PIEZO2: variants seen among roughly 807,000 people sequenced by gnomAD.
PIEZO2 encodes the protein piezo-type mechanosensitive ion channel component 2.
In PIEZO2, 172 loss-of-function variants were observed where a neutral mutation model predicts 337.3. That is an observed-to-expected ratio of 0.51 (90% CI 0.45 to 0.58). PIEZO2 has a LOEUF of 0.58. Among genes scored for constraint, PIEZO2 ranks in the 20% least tolerant of loss-of-function variants. The probability of loss-of-function intolerance (pLI) is 0.00; values close to 1 mark genes in which losing one functional copy is unlikely to be tolerated. For synonymous variants in PIEZO2, 1,251 were observed against 1,228.5 expected (o/e 1.02, Z -0.38); for missense variants, 3,028 against 3,391.3 (o/e 0.89, Z 2.66).
In PIEZO2 at chr18:10,724,714, C is replaced by T. The variant is rs377419884; in HGVS notation, c.5030-6455G>A. On this transcript the variant is annotated intron_variant, in intron 36 of 55. Coordinates refer to ENST00000674853, the MANE Select transcript of PIEZO2 (RefSeq NM_001378183.1). The surrounding 1 kb of genome is among the most constrained non-coding windows in gnomAD (Gnocchi z 5.8). ...GCGTCATAGGCTGAAGCACTCAGACCGAGATGGGCCACCACTGTACCCCTG... is the reference window on the plus strand; with the variant it reads ...GCGTCATAGGCTGAAGCACTCAGACTGAGATGGGCCACCACTGTACCCCTG... 8.6e-6 allele frequency: 12 copies of T among 1,395,466 alleles called. No individual in the cohort carries two copies. The highest frequency in any genetic ancestry group is 2.3e-5 in the East Asian group (1 of 43,410). The allele number at this position is 1,395,466 out of a possible 1,614,324, so 86.4% of individuals were successfully genotyped here. A position where few individuals can be genotyped will look rare whatever the true frequency, so the allele number is the denominator to read the frequency against.
intron 2 of PIEZO2, among the ~76,000 whole-genome samples, chr18:11,039,534 C>G (rs142776855): frequency 3.7e-4 from 57 of 152,204 alleles, no homozygotes; most frequent in African/African-American, 1.3e-3. Context: ...CTTTCTCACT[C>G]TCCTCTAACT....
rs1270556341 is a variant in PIEZO2 at position 11,002,908 on chromosome 18, G to T, written c.161-23248C>A. On this transcript the variant is annotated intron_variant, in intron 2 of 55. Coordinates refer to ENST00000674853, the MANE Select transcript of PIEZO2 (RefSeq NM_001378183.1). This position sits in a 1 kb window ranked among gnomAD's most constrained non-coding sequence, Gnocchi z 4.3. ...CAGACCAATAGAAACATCCAATGGG[G>T]ATGTAAAGAATTTTCTTTAGTAGAA... Among the ~76,000 whole-genome samples the T allele has an allele frequency of 6.6e-6, 1 of 152,224 alleles. No homozygotes were observed. Among genetic ancestry groups the T allele is most frequent in the Non-Finnish European group, 1.5e-5 (1 of 68,042 alleles).
intron 2 of PIEZO2, among the ~76,000 whole-genome samples, chr18:11,030,514 T>C (rs967524725): frequency 1.3e-5 from 2 of 152,132 alleles, no homozygotes; most frequent in Non-Finnish European, 2.9e-5. Context: ...TTGTAGTGGT[T>C]ACGGGAAGGA....
chr18:10,784,062 A>G lies in PIEZO2; in HGVS notation c.2492+722T>C, dbSNP rs2039124598. Among the ~76,000 whole-genome samples, 1 of 152,234 alleles carries G rather than the reference A, an allele frequency of 6.6e-6. No individual in the cohort carries two copies. The highest frequency in any genetic ancestry group is 2.1e-4 in the South Asian group (1 of 4,834). On this transcript the variant is annotated intron_variant, in intron 17 of 55. Transcript: ENST00000674853. The surrounding 1 kb of genome is among the most constrained non-coding windows in gnomAD (Gnocchi z 4.5). ...TTTCCAATATCTGAATCATAGGCTAAACATGAGGCAGAAAGGAAAACCATT... is the reference window on the plus strand; with the variant it reads ...TTTCCAATATCTGAATCATAGGCTAGACATGAGGCAGAAAGGAAAACCATT...
rs2041394736 is a variant in PIEZO2 at position 10,847,249 on chromosome 18, G to A, written c.917+8104C>T. 6.6e-6 allele frequency among the ~76,000 whole-genome samples: 1 copy of A among 152,246 alleles called. No homozygotes were observed. The highest frequency in any genetic ancestry group is 1.5e-5 in the Non-Finnish European group (1 of 68,048). On this transcript the variant is annotated intron_variant, in intron 7 of 55. Coordinates refer to ENST00000674853, the MANE Select transcript of PIEZO2 (RefSeq NM_001378183.1). This position sits in a 1 kb window ranked among gnomAD's most constrained non-coding sequence, Gnocchi z 5.7. ...ACGGCAGCCGGGGCAGGTGACTGCA[G>A]GTGAGCTGCAATCCTAGCTATGGAC...
At chr18:10,835,703 C>T (rs143715844) in intron 7 of PIEZO2, among the ~76,000 whole-genome samples, 3,869 of 152,286 alleles carry the variant, frequency 0.025, 110 homozygotes, top group African/African-American at 0.069. Context: ...GCTACCACAC[C>T]TGGCAAATTT....
intron 2 of PIEZO2, among the ~76,000 whole-genome samples, chr18:11,051,753 T>C (rs2037545466): frequency 6.6e-6 from 1 of 152,180 alleles, no homozygotes; most frequent in Non-Finnish European, 1.5e-5. Flanking sequence ...TGTGAGTAAA[T>C]GGAAGGATGT....
chr18:11,058,743 C>T lies in PIEZO2; in HGVS notation c.160+7384G>A, dbSNP rs566974568. ...TTAGAGAAAAAAGAATAAAAAGAAA[C>T]GAACAAAACCTCCAAGAAATATGGG... is the stretch of plus-strand genomic sequence containing the variant. On this transcript the variant is annotated intron_variant, in intron 2 of 55. Transcript: ENST00000674853. 5.9e-5 allele frequency among the ~76,000 whole-genome samples: 9 copies of T among 152,190 alleles called. No individual in the cohort carries two copies. The East Asian group carries it at 7.7e-4, about 13-fold the overall frequency.
intron 53 of PIEZO2, among the ~76,000 whole-genome samples, chr18:10,675,914 C>A (rs117484168): frequency 1.1e-4 from 17 of 152,218 alleles, no homozygotes; most frequent in Non-Finnish European, 2.1e-4. Context: ...GTAAGATGTG[C>A]CTTTACTCCT....
At chr18:10,753,371 CT>C (rs1375769627) in intron 27 of PIEZO2, among the ~76,000 whole-genome samples, 3 of 152,150 alleles carry the variant, frequency 2.0e-5, no homozygotes, top group Non-Finnish European at 4.4e-5. Flanking sequence ...CATGGTGGGG[CT>C]TTTTTGTTCT....
chr18:10,751,087 C>A (rs910554001), intron 28 of PIEZO2, among the ~76,000 whole-genome samples: 1 of 152,198 alleles, frequency 6.6e-6, no homozygotes, highest in Non-Finnish European at 1.5e-5. Flanking sequence ...ATTAGGCATC[C>A]TTTTGTTTCT....
intron 2 of PIEZO2, among the ~76,000 whole-genome samples, chr18:11,023,873 C>T (rs985571974): frequency 6.6e-6 from 1 of 152,186 alleles, no homozygotes; most frequent in Admixed American, 6.5e-5. Context: ...GTACAGCCTC[C>T]GCAGCCGCTG....
In PIEZO2 at chr18:10,850,658, T is replaced by C. The variant is rs982903678; in HGVS notation, c.917+4695A>G. On this transcript the variant is annotated intron_variant, in intron 7 of 55. Coordinates refer to ENST00000674853, the MANE Select transcript of PIEZO2 (RefSeq NM_001378183.1). The surrounding 1 kb of genome is among the most constrained non-coding windows in gnomAD (Gnocchi z 4.5). ...ATGAAAATTACATTTTAGAACATTT[T>C]ATAACATAGGAAAATACACAGTTTG... is the stretch of plus-strand genomic sequence containing the variant. Among the ~76,000 whole-genome samples, 3 of 152,204 alleles carry C rather than the reference T, an allele frequency of 2.0e-5. No individual in the cohort carries two copies. Among genetic ancestry groups the C allele is most frequent in the Non-Finnish European group, 4.4e-5 (3 of 68,030 alleles).
intron 49 of PIEZO2, among the ~76,000 whole-genome samples, chr18:10,687,925 C>T (rs1444033132): frequency 6.6e-6 from 1 of 152,148 alleles, no homozygotes; most frequent in Non-Finnish European, 1.5e-5. Context: ...TGGAGCCCAG[C>T]CCACACTGCT....
In PIEZO2 at chr18:10,831,099, T is replaced by C. The variant is rs771157523; in HGVS notation, c.918-23825A>G. 2.2e-4 allele frequency among the ~76,000 whole-genome samples: 33 copies of C among 152,216 alleles called. 1 individual carries two copies. Among genetic ancestry groups the C allele is most frequent in the Admixed American group, 1.8e-3 (27 of 15,290 alleles). On this transcript the variant is annotated intron_variant, in intron 7 of 55. Transcript: ENST00000674853. Reference sequence around the variant, plus strand: ...TGGGAATGTCAATTAGCACAACCCCTATGGAAAACAGTACGGAGGTTCCTC... The same window carrying C: ...TGGGAATGTCAATTAGCACAACCCCCATGGAAAACAGTACGGAGGTTCCTC...
intron 3 of PIEZO2, among the ~76,000 whole-genome samples, chr18:10,924,870 G>A (rs901284442): frequency 2.0e-5 from 3 of 152,006 alleles, no homozygotes; most frequent in African/African-American, 7.3e-5. Context: ...TGCCAGAAGT[G>A]TGTGCCAAAT....
At chr18:10,753,855 T>C (rs987077142) in intron 27 of PIEZO2, among the ~76,000 whole-genome samples, 1 of 152,208 alleles carries the variant, frequency 6.6e-6, no homozygotes, top group Non-Finnish European at 1.5e-5. Context: ...AACATTTTTA[T>C]AACTTTTTTT....
intron 2 of PIEZO2, among the ~76,000 whole-genome samples, chr18:11,022,766 G>T (rs2036360298): frequency 6.6e-6 from 1 of 152,180 alleles, no homozygotes; most frequent in Non-Finnish European, 1.5e-5. Context: ...TAGAACTCTA[G>T]GCTATTTTGT....
rs1187130648 is a variant in PIEZO2 at position 10,699,150 on chromosome 18, T to C, written c.6469A>G (p.Met2157Val). 6.5e-6 allele frequency: 10 copies of C among 1,537,208 alleles called. No individual in the cohort carries two copies. In the East Asian group the frequency reaches 2.2e-4, roughly 34 times the overall value. ...TCCCTGGCCATGCCACTTTCAGTCA[T>C]GTCATCTTCATCCCATAAGCCATGG... ...KCHGLWDEDD[M>V]TESGMAREES... is the part of the protein sequence containing the mutation. The change falls in exon 44 of 56, where the codon ATG becomes GTG. Residue 2157 changes from methionine (M) to valine (V), a missense_variant. Physicochemically the swap from Met to Val is conservative, Grantham distance 21. Coordinates refer to ENST00000674853, the MANE Select transcript of PIEZO2 (RefSeq NM_001378183.1).
Sources: allele counts gnomAD v4.1 joint callset (sites outside exome capture counted in the v4.1 genomes callset), GRCh38; gene constraint gnomAD v4.1.1; non-coding constraint Gnocchi (gnomAD v3.1); transcripts MANE v1.5; gene names NCBI Gene and HGNC (gene_info 2026-07-23, HGNC 2026-07-21).